The following TULP4 variants were observed in gnomAD, a reference collection of about 807,000 sequenced individuals.
The protein encoded by TULP4 is TUB like protein 4, also known as tubby-related protein 4.
TULP4 carries 16 observed loss-of-function variants against 129.0 expected under a neutral mutation model. The ratio of observed to expected loss-of-function variants is 0.12; its 90% CI spans 0.08 to 0.19. The LOEUF is 0.19. Ranked by LOEUF, TULP4 falls within the 10% of genes least tolerant of loss-of-function variation. The pLI, the probability that TULP4 is intolerant of heterozygous loss-of-function variation, is 1.00. For synonymous variants in TULP4, 998 were observed against 854.0 expected, an observed-to-expected ratio of 1.17 and a Z score of -2.94; for missense variants, 1,842 against 2,059.1, an observed-to-expected ratio of 0.89 and a Z score of 2.04.
intron 1 of TULP4, among the ~76,000 whole-genome samples, chr6:158,345,156 T>G (rs1780270763): frequency 6.6e-6 from 1 of 152,180 alleles, no homozygotes; most frequent in Non-Finnish European, 1.5e-5. Context: ...TTCATGAGGT[T>G]TAAGGAAAGA....
intron 1 of TULP4, among the ~76,000 whole-genome samples, chr6:158,301,542 T>A (rs982182199): frequency 1.3e-5 from 2 of 152,162 alleles, no homozygotes; most frequent in African/African-American, 4.8e-5. Context: ...TCTGGAAAAT[T>A]TAAGTATTCT....
intron 2 of TULP4, among the ~76,000 whole-genome samples, chr6:158,417,396 T>C (rs1220286653): frequency 6.6e-6 from 1 of 152,266 alleles, no homozygotes; most frequent in Non-Finnish European, 1.5e-5. Flanking sequence ...CAGAATCTCA[T>C]AAATGCCTGC....
intron 1 of TULP4, among the ~76,000 whole-genome samples, chr6:158,265,613 C>T (rs141938943): frequency 1.7e-4 from 26 of 151,092 alleles, no homozygotes; most frequent in Non-Finnish European, 3.5e-4. Flanking sequence ...ACCTGGGAGG[C>T]GGAGGTTGCA....
intron 6 of TULP4, among the ~76,000 whole-genome samples, chr6:158,478,325 A>G (rs2128249425): frequency 6.6e-6 from 1 of 152,338 alleles, no homozygotes; most frequent in South Asian, 2.1e-4. Context: ...CTCAGAGGTA[A>G]AGGGACAGCA....
chr6:158,236,315 C>G (rs991381248), intron 1 of TULP4, among the ~76,000 whole-genome samples: 8 of 152,090 alleles, frequency 5.3e-5, no homozygotes, highest in Non-Finnish European at 1.2e-4. Flanking sequence ...AGACAAATGA[C>G]AAACTGGAAA....
chr6:158,422,929 G>C (rs1034782630), intron 2 of TULP4, among the ~76,000 whole-genome samples: 6 of 152,228 alleles, frequency 3.9e-5, no homozygotes, highest in Admixed American at 6.5e-5. Context: ...CGCCCGAATC[G>C]CCATGTTGGA....
intron 1 of TULP4, among the ~76,000 whole-genome samples, chr6:158,329,729 G>A (rs117491371): frequency 0.013 from 2,053 of 152,084 alleles, 22 homozygotes; most frequent in Middle Eastern, 0.02. Context: ...TGGCATTTGT[G>A]ACTAATTAGG....
At chr6:158,268,752 A>C (rs913894408) in intron 1 of TULP4, among the ~76,000 whole-genome samples, 1 of 152,218 alleles carries the variant, frequency 6.6e-6, no homozygotes, top group Non-Finnish European at 1.5e-5. Flanking sequence ...ATGGAAAATT[A>C]TATTACTTAC....
At chr6:158,459,359 G>T (rs929280803) in intron 5 of TULP4, among the ~76,000 whole-genome samples, 2 of 152,114 alleles carry the variant, frequency 1.3e-5, no homozygotes, top group Non-Finnish European at 2.9e-5. Flanking sequence ...GAACCCAGGA[G>T]GCGGAGGTTG....
At position 158,344,742 on chromosome 6, in the gene TULP4, C is replaced by T. The variant is rs573048157; in HGVS notation, c.252+30474C>T. ...GAAATTATGCCAGTGAATAACCCTA[C>T]GGTGATCTCTAAGTGTTCAAGTGAA... On this transcript the variant is annotated intron_variant, in intron 1 of 13. Coordinates refer to ENST00000367097, the MANE Select transcript of TULP4 (RefSeq NM_020245.5). 2.6e-4 allele frequency among the ~76,000 whole-genome samples: 40 copies of T among 152,300 alleles called. No individual in the cohort carries two copies. The South Asian group carries it at 6.4e-3, about 24-fold the overall frequency.
intron 2 of TULP4, among the ~76,000 whole-genome samples, chr6:158,418,487 G>A (rs927198908): frequency 6.8e-6 from 1 of 147,358 alleles, no homozygotes; most frequent in Non-Finnish European, 1.5e-5. Flanking sequence ...ATCACATTAT[G>A]TTGACCTAAT....
chr6:158,479,706 C>A (rs1162754609), intron 6 of TULP4, 45 bp from the exon 7 acceptor site: 3 of 1,576,870 alleles, frequency 1.9e-6, no homozygotes, highest in Non-Finnish European at 2.6e-6. Context: ...TTGCTTCCCA[C>A]AAGAGCAAAA....
intron 1 of TULP4, among the ~76,000 whole-genome samples, chr6:158,331,744 C>CACATATAT (rs1779892016): frequency 4.6e-5 from 1 of 21,802 alleles, no homozygotes; most frequent in Admixed American, 7.0e-4. Flanking sequence ...TATATATATA[C>CACATATAT]GTGTATATAC....
rs113914160 is a variant in TULP4 at position 158,246,023 on chromosome 6, G to GGGGGGTGTGTGT, written n.68+13721_68+13722insGGGGTGTGTGTG. Among the ~76,000 whole-genome samples the GGGGGGTGTGTGT allele has an allele frequency of 9.6e-5, 14 of 145,920 alleles. No homozygotes were observed. In the East Asian group the frequency reaches 1.0e-3, roughly 11 times the overall value. ...GTGAGTAATTTGCCTACCCCTTAGGGGTGTGTGTGTGTGTGTGTGTGTGTG... is the reference window on the plus strand; with the variant it reads ...GTGAGTAATTTGCCTACCCCTTAGGGGGGGGTGTGTGTGTGTGTGTGTGTGTGTGTGTGTGTG... On this transcript the variant is annotated intron_variant and non_coding_transcript_variant, in intron 1 of 1. Coordinates refer to the TULP4 transcript ENST00000620026.
At chr6:158,287,957 C>G (rs1203783539) in intron 1 of TULP4, among the ~76,000 whole-genome samples, 1 of 152,112 alleles carries the variant, frequency 6.6e-6, no homozygotes, top group Non-Finnish European at 1.5e-5. Flanking sequence ...TGCAGCTGTC[C>G]TTTAGCCCAC....
intron 9 of TULP4, 32 bp downstream of exon 9, chr6:158,489,764 C>T (rs768352067): frequency 6.8e-6 from 11 of 1,613,096 alleles, no homozygotes; most frequent in South Asian, 1.1e-5. Context: ...ATCGTCCTTT[C>T]TTGTGCCTCT....
chr6:158,332,249 G>T (rs957665956), intron 1 of TULP4, among the ~76,000 whole-genome samples: 2 of 141,314 alleles, frequency 1.4e-5, no homozygotes, highest in African/African-American at 2.7e-5. Context: ...GAGAGAAACA[G>T]TAAGATATAA....
chr6:158,434,005 C>A (rs929941798), intron 3 of TULP4, among the ~76,000 whole-genome samples: 2 of 152,158 alleles, frequency 1.3e-5, no homozygotes, highest in South Asian at 2.1e-4. Flanking sequence ...TCTCCTGAGG[C>A]CTGTCTCCTT....
At chr6:158,339,855 T>C (rs1473154194) in intron 1 of TULP4, among the ~76,000 whole-genome samples, 1 of 152,136 alleles carries the variant, frequency 6.6e-6, no homozygotes, top group Non-Finnish European at 1.5e-5. Context: ...GCTACATACA[T>C]CCTCAGCTTA....
Sources: allele counts gnomAD v4.1 joint callset (sites outside exome capture counted in the v4.1 genomes callset), GRCh38; gene constraint gnomAD v4.1.1; transcripts MANE v1.5; gene names NCBI Gene and HGNC (gene_info 2026-07-23, HGNC 2026-07-21).